PGBD5: variants seen among roughly 807,000 people sequenced by gnomAD.
PGBD5 encodes piggyBac transposable element-derived protein 5.
In PGBD5, 14 loss-of-function variants were observed where a neutral mutation model predicts 47.9. That is an observed-to-expected ratio of 0.29 (90% CI 0.19 to 0.46). The LOEUF is 0.46. Ranked by LOEUF, PGBD5 falls within the 20% of genes least tolerant of loss-of-function variation. The pLI, the probability that PGBD5 is intolerant of heterozygous loss-of-function variation, is 1.00. For missense variants in PGBD5, 635 were observed against 716.0 expected (o/e 0.89, Z 1.29); for synonymous variants, 316 against 306.3 (o/e 1.03, Z -0.33).
rs1388880977 is a variant in PGBD5 at position 230,381,949 on chromosome 1, T to A, written c.332-24628A>T. 5.3e-5 allele frequency among the ~76,000 whole-genome samples: 8 copies of A among 152,292 alleles called. No homozygotes were observed. In the East Asian group the frequency reaches 1.5e-3, roughly 29 times the overall value. ...AAATCTAGCTCAGCTGCAACCCTTTTCATGAAACTTTTGTCATTCACAGCT... is the reference window on the plus strand; with the variant it reads ...AAATCTAGCTCAGCTGCAACCCTTTACATGAAACTTTTGTCATTCACAGCT... On this transcript the variant is annotated intron_variant, in intron 1 of 6. Transcript: ENST00000391860.
intron 1 of PGBD5, among the ~76,000 whole-genome samples, chr1:230,362,043 G>T (rs1358570977): frequency 6.6e-6 from 1 of 152,252 alleles, no homozygotes; most frequent in Non-Finnish European, 1.5e-5. Flanking sequence ...AGGGGAGTGG[G>T]TGGGGCTGGA....
At chr1:230,393,837 A>T (rs536207307) in intron 1 of PGBD5, among the ~76,000 whole-genome samples, 5 of 151,222 alleles carry the variant, frequency 3.3e-5, no homozygotes, top group Admixed American at 6.6e-5. Flanking sequence ...AAAAAAAAAA[A>T]AAAAAAATAA....
intron 1 of PGBD5, among the ~76,000 whole-genome samples, chr1:230,403,329 G>A (rs937629429): frequency 4.6e-5 from 7 of 152,164 alleles, no homozygotes; most frequent in African/African-American, 1.7e-4. Context: ...TCTTTTCCTT[G>A]AGATCAAGCC....
At chr1:230,402,774 C>T (rs1287308967) in intron 1 of PGBD5, among the ~76,000 whole-genome samples, 1 of 152,150 alleles carries the variant, frequency 6.6e-6, no homozygotes, top group Non-Finnish European at 1.5e-5. Context: ...AGGCACGAGC[C>T]CCAGTGCCCA....
rs1206450824 is a variant in PGBD5 at position 230,344,145 on chromosome 1, C to T, written c.894+6813G>A. Among the ~76,000 whole-genome samples, 7 of 152,066 alleles carry T rather than the reference C, an allele frequency of 4.6e-5. No individual in the cohort carries two copies. The South Asian group carries it at 8.3e-4, about 18-fold the overall frequency. On this transcript the variant is annotated intron_variant, in intron 3 of 6. Coordinates refer to ENST00000391860, the MANE Select transcript of PGBD5 (RefSeq NM_001258311.2). ...CTAAAAATACAAAAATTTAGCCGGG[C>T]GTGGTGGCGGGCACCTGTAGTCCCA... is the stretch of plus-strand genomic sequence containing the variant.
At chr1:230,417,218 G>T (rs1657538844) in intron 1 of PGBD5, among the ~76,000 whole-genome samples, 1 of 152,024 alleles carries the variant, frequency 6.6e-6, no homozygotes, top group African/African-American at 2.4e-5. Flanking sequence ...AGATCATGTT[G>T]TATTTCCTCT....
intron 1 of PGBD5, among the ~76,000 whole-genome samples, chr1:230,361,062 C>T (rs1108707): frequency 0.13 from 19,643 of 152,192 alleles, 2,481 homozygotes; most frequent in African/African-American, 0.33. Context: ...GCTGTGGTTA[C>T]TAGCAGCAGC....
chr1:230,412,677 C>A (rs893475438), intron 1 of PGBD5, among the ~76,000 whole-genome samples: 1 of 152,052 alleles, frequency 6.6e-6, no homozygotes, highest in African/African-American at 2.4e-5. Flanking sequence ...CATGAGCCAC[C>A]GCGCCCGGCC....
intron 1 of PGBD5, among the ~76,000 whole-genome samples, chr1:230,387,261 A>G (rs892025784): frequency 2.0e-5 from 3 of 152,244 alleles, no homozygotes; most frequent in African/African-American, 7.2e-5. Flanking sequence ...GGCCTTCCTC[A>G]TAACCTCATT....
chr1:230,367,013 TG>T (rs2102714096), intron 1 of PGBD5, among the ~76,000 whole-genome samples: 1 of 152,032 alleles, frequency 6.6e-6, no homozygotes, highest in East Asian at 1.9e-4. Flanking sequence ...AGGAGGAAGG[TG>T]GGGGTGAGGA....
intron 1 of PGBD5, among the ~76,000 whole-genome samples, chr1:230,379,730 C>G (rs930457787): frequency 6.6e-6 from 1 of 152,240 alleles, no homozygotes; most frequent in African/African-American, 2.4e-5. Flanking sequence ...TCGTAGTGAT[C>G]GATCCACCTC....
At position 230,337,132 on chromosome 1, in the gene PGBD5, G is replaced by C; in HGVS notation, c.1051C>G (p.Leu351Val). The change falls in exon 4 of 7, where the codon CTG becomes GTG. Residue 351 changes from leucine (L) to valine (V), a missense_variant. Physicochemically the swap from Leu to Val is conservative, Grantham distance 32. Coordinates refer to ENST00000391860, the MANE Select transcript of PGBD5 (RefSeq NM_001258311.2). ...CCTTGCTTCTCAAACTCTTCAAACA[G>C]CGTCAGGCTGGTGATGCTGGGCCCC... is the stretch of plus-strand genomic sequence containing the variant. ...FTGPSITSLT[L>V]FEEFEKQGIY... is the part of the protein sequence containing the mutation. 3 of 1,614,144 alleles carry C rather than the reference G, an allele frequency of 1.9e-6. No homozygotes were observed. The South Asian group carries it at 3.3e-5, about 18-fold the overall frequency.
chr1:230,336,280 G>C (rs1382765471), intron 4 of PGBD5: 1 of 152,206 alleles, frequency 6.6e-6, no homozygotes, highest in African/African-American at 2.4e-5. Flanking sequence ...AGATGCAGCT[G>C]AGGCCAGCAA....
intron 4 of PGBD5, among the ~76,000 whole-genome samples, chr1:230,335,783 A>AGATGCGCACAGACACGCAGATG (rs373644616): frequency 0.15 from 104 of 684 alleles, 21 homozygotes; most frequent in Middle Eastern, 0.5. Flanking sequence ...AGACACACAC[A>AGATGCGCACAGACACGCAGATG]CACACACAGG....
intron 2 of PGBD5, among the ~76,000 whole-genome samples, chr1:230,354,914 G>A (rs953494873): frequency 7.2e-5 from 11 of 152,192 alleles, no homozygotes; most frequent in Non-Finnish European, 1.5e-4. Flanking sequence ...TGGAAGGAGA[G>A]AAGAATGAGC....
intron 3 of PGBD5, among the ~76,000 whole-genome samples, chr1:230,347,521 C>T (rs1347248068): frequency 2.7e-5 from 4 of 145,768 alleles, no homozygotes; most frequent in Non-Finnish European, 6.0e-5. Context: ...CTCTTGTTGC[C>T]CAGGCTGGAG....
intron 3 of PGBD5, among the ~76,000 whole-genome samples, chr1:230,339,257 A>G (rs958891574): frequency 4.6e-5 from 7 of 152,220 alleles, no homozygotes; most frequent in African/African-American, 1.7e-4. Flanking sequence ...TGGGAAACAG[A>G]CTGATTCAAT....
chr1:230,363,508 G>A (rs1558200324), intron 1 of PGBD5, among the ~76,000 whole-genome samples: 3 of 152,080 alleles, frequency 2.0e-5, no homozygotes. Flanking sequence ...CTTGAACCTG[G>A]GAGGCGGAGG....
chr1:230,393,927 T>C lies in PGBD5; in HGVS notation c.331+31671A>G, dbSNP rs372304932. ...GCTCTCCCTCACTGGCTCCCCGCCCTAGAGTCCGCCACACCTGCCCCGGCC... is the reference window on the plus strand; with the variant it reads ...GCTCTCCCTCACTGGCTCCCCGCCCCAGAGTCCGCCACACCTGCCCCGGCC... On this transcript the variant is annotated intron_variant, in intron 1 of 6. Transcript: ENST00000391860. Among the ~76,000 whole-genome samples the C allele has an allele frequency of 8.0e-3, 1,208 of 151,694 alleles. 14 individuals are homozygous for C. The highest frequency in any genetic ancestry group is 0.028 in the African/African-American group (1,159 of 41,364).
Sources: allele counts gnomAD v4.1 joint callset (sites outside exome capture counted in the v4.1 genomes callset), GRCh38; gene constraint gnomAD v4.1.1; transcripts MANE v1.5; gene names NCBI Gene and HGNC (gene_info 2026-07-23, HGNC 2026-07-21).